The following USP53 variants were observed in gnomAD, a reference collection of about 807,000 sequenced individuals.
USP53 encodes the protein ubiquitin carboxyl-terminal hydrolase 53.
A neutral mutation model predicts 94.9 loss-of-function variants in USP53; 71 were observed. That is an observed-to-expected ratio of 0.75 (90% CI 0.62 to 0.91). USP53 has a LOEUF of 0.91. USP53 is among the 40% of genes least tolerant of loss of function. The pLI is 0.00. For synonymous variants in USP53, 375 were observed against 422.7 expected (o/e 0.89, Z 1.39); for missense variants, 1,173 against 1,281.0 (o/e 0.92, Z 1.29).
At chr4:119,246,849 A>G (rs1748314061) in intron 6 of USP53, among the ~76,000 whole-genome samples, 1 of 152,258 alleles carries the variant, frequency 6.6e-6, no homozygotes, top group Non-Finnish European at 1.5e-5. Context: ...ATGTTTTGCC[A>G]GAGAACTTAA....
chr4:119,291,143 T>TGGGCC, intron 17 of USP53, 22 bp from the exon 18 acceptor site: 1 of 747,552 alleles, frequency 1.3e-6, no homozygotes. Flanking sequence ...TCATCTCTTC[T>TGGGCC]CCCCACCCCA....
At chr4:119,216,466 CACTT>C (rs1415936936) in intron 2 of USP53, among the ~76,000 whole-genome samples, 4 of 151,946 alleles carry the variant, frequency 2.6e-5, no homozygotes, top group Non-Finnish European at 4.4e-5. Context: ...CTGTTGCTGA[CACTT>C]ACTTCAGTCA....
At position 119,248,868 on chromosome 4, in the gene USP53, G is replaced by T; in HGVS notation, c.358G>T (p.Ala120Ser). 6.2e-7 allele frequency: 1 copy of T among 1,614,054 alleles called. No individual in the cohort carries two copies. Among genetic ancestry groups the T allele is most frequent in the Non-Finnish European group, 8.5e-7 (1 of 1,180,018 alleles). Residue 120 changes from alanine to serine, a missense_variant, in exon 7 of 19, where the codon GCT (alanine) becomes TCT (serine). Transcript: ENST00000692078. ...QRFQLGLMDDAAECFENMLER... is the reference protein window; with the variant it reads ...QRFQLGLMDDSAECFENMLER... ...ATTTCAACTTGGCCTTATGGATGATGCTGCGGAGTGCTTTGTAAGTGTTTC... is the reference window on the plus strand; with the variant it reads ...ATTTCAACTTGGCCTTATGGATGATTCTGCGGAGTGCTTTGTAAGTGTTTC...
At position 119,262,168 on chromosome 4, in the gene USP53, G is replaced by A. The variant is rs535448491; in HGVS notation, c.972+304G>A. On this transcript the variant is annotated intron_variant, in intron 12 of 18. Transcript: ENST00000692078. Reference sequence around the variant, plus strand: ...TCAGTGATGATCCTTTTTGCCTGACGCATACTTGCTATATTTACTTTTTTG... The same window carrying A: ...TCAGTGATGATCCTTTTTGCCTGACACATACTTGCTATATTTACTTTTTTG... Among the ~76,000 whole-genome samples the A allele has an allele frequency of 4.6e-5, 7 of 152,142 alleles. No homozygotes were observed. In the East Asian group the frequency reaches 7.7e-4, roughly 17 times the overall value.
intron 17 of USP53, among the ~76,000 whole-genome samples, chr4:119,279,920 G>C (rs553643759): frequency 3.3e-5 from 5 of 152,166 alleles, no homozygotes; most frequent in African/African-American, 1.2e-4. Context: ...CTGACCCCTC[G>C]TGCTTCCCAG....
rs1200440387 is a variant in USP53 at position 119,274,286 on chromosome 4, C to A, written c.2251+578C>A. On this transcript the variant is annotated intron_variant, in intron 17 of 18. Coordinates refer to ENST00000692078, the MANE Select transcript of USP53 (RefSeq NM_001371395.1). ...CCGCAGTCCCCAGAGTGTGATATTC[C>A]CTTTCCTGTGTCCATGTGATCTCAT... 3.6e-5 allele frequency among the ~76,000 whole-genome samples: 5 copies of A among 140,320 alleles called. No individual in the cohort carries two copies. The Admixed American group carries it at 3.8e-4, about 11-fold the overall frequency. The allele number at this position is 140,320 out of a possible 152,430, so 92.1% of individuals were successfully genotyped here.
chr4:119,260,844 T>G (rs1189939435), intron 11 of USP53, among the ~76,000 whole-genome samples, 191 bp downstream of exon 11: 1 of 152,022 alleles, frequency 6.6e-6, no homozygotes, highest in Non-Finnish European at 1.5e-5. Flanking sequence ...CACTCTAAAA[T>G]CATGATGATT....
intron 12 of USP53, among the ~76,000 whole-genome samples, chr4:119,263,188 A>C (rs2149393463): frequency 6.6e-6 from 1 of 152,320 alleles, no homozygotes; most frequent in East Asian, 1.9e-4. Context: ...CTGCTATAGA[A>C]ATAGCCATTT....
Position 119,245,949 on chromosome 4 carries a change from T to C in USP53, c.237+520T>C, listed in dbSNP as rs555537624. ...GGAAAGCCTCACTGAGAAACTGATATTTGAAATGACACCTTGAAGAGCCTT... is the reference window on the plus strand; with the variant it reads ...GGAAAGCCTCACTGAGAAACTGATACTTGAAATGACACCTTGAAGAGCCTT... On this transcript the variant is annotated intron_variant, in intron 6 of 18. Transcript: ENST00000692078. Among the ~76,000 whole-genome samples the C allele has an allele frequency of 5.3e-5, 8 of 152,208 alleles. No individual in the cohort carries two copies. The East Asian group carries it at 1.4e-3, about 26-fold the overall frequency.
intron 12 of USP53, 148 bp from the exon 13 acceptor site, chr4:119,267,172 C>A: frequency 1.8e-6 from 1 of 543,138 alleles, no homozygotes; most frequent in Non-Finnish European, 3.0e-6. Context: ...TTACTAAATA[C>A]AGTTAATTAT....
intron 7 of USP53, among the ~76,000 whole-genome samples, chr4:119,249,658 CTATT>C (rs766501980): frequency 8.5e-6 from 1 of 117,090 alleles, no homozygotes; most frequent in Non-Finnish European, 1.7e-5. Flanking sequence ...TATTTATGTC[CTATT>C]TTTTTTTTTT....
At chr4:119,280,390 G>A (rs759661395) in intron 17 of USP53, among the ~76,000 whole-genome samples, 2 of 151,984 alleles carry the variant, frequency 1.3e-5, no homozygotes, top group African/African-American at 2.4e-5. Flanking sequence ...TTAACAGAAG[G>A]TATATTTCTA....
chr4:119,247,882 TG>T (rs1442379801), intron 6 of USP53, among the ~76,000 whole-genome samples: 4 of 152,212 alleles, frequency 2.6e-5, no homozygotes, highest in African/African-American at 9.6e-5. Context: ...AGATGACATC[TG>T]TTTTTTTATT....
rs956775127 is a variant in USP53, at chr4:119,294,708, G to T, written c.*1497G>T. 1 of 152,018 alleles carries T rather than the reference G, an allele frequency of 6.6e-6. No homozygotes were observed. Among genetic ancestry groups the T allele is most frequent in the Admixed American group, 6.6e-5 (1 of 15,250 alleles). The allele number at this position is 152,018 out of a possible 1,614,324, so 9.4% of individuals were successfully genotyped here. A position where few individuals can be genotyped will look rare whatever the true frequency, so the allele number is the denominator to read the frequency against. ...AATTTAATGTGAATACTGTTAAACA[G>T]AAAATAATTGCTTATAAAAGTCTAA... On this transcript the variant is annotated 3_prime_UTR_variant, in exon 19 of 19. Transcript: ENST00000692078.
intron 7 of USP53, among the ~76,000 whole-genome samples, chr4:119,253,748 TG>T (rs1340866663): frequency 2.0e-5 from 3 of 152,242 alleles, no homozygotes; most frequent in African/African-American, 7.2e-5. Context: ...TGTGTGAATT[TG>T]ATCCTGTCAT....
At chr4:119,235,029 C>T (rs1746543765) in intron 3 of USP53, among the ~76,000 whole-genome samples, 1 of 152,178 alleles carries the variant, frequency 6.6e-6, no homozygotes, top group Admixed American at 6.5e-5. Flanking sequence ...ATTGTTATCC[C>T]CATCTTAAAA....
In USP53 at chr4:119,234,234, A is replaced by G. The variant is rs1746434811; in HGVS notation, c.-664-1056A>G. ...GCCCAGAGCAATGTAAGGACTGGAA[A>G]AGGTCACAACTAGGTCTTTTCCATT... is the stretch of plus-strand genomic sequence containing the variant. On this transcript the variant is annotated intron_variant, in intron 3 of 18. Coordinates refer to ENST00000692078, the MANE Select transcript of USP53 (RefSeq NM_001371395.1). 2.0e-5 allele frequency among the ~76,000 whole-genome samples: 3 copies of G among 152,168 alleles called. No homozygotes were observed. The South Asian group carries it at 6.2e-4, about 31-fold the overall frequency.
chr4:119,235,059 G>A (rs1746550408), intron 3 of USP53, among the ~76,000 whole-genome samples: 2 of 152,324 alleles, frequency 1.3e-5, no homozygotes, highest in East Asian at 1.9e-4. Context: ...CCATGAATCA[G>A]AGATGACAAG....
In USP53 at chr4:119,288,807, G is replaced by A. The variant is rs573526536; in HGVS notation, c.2252-2358G>A. Among the ~76,000 whole-genome samples, 19 of 151,990 alleles carry A rather than the reference G, an allele frequency of 1.3e-4. No individual in the cohort carries two copies. The South Asian group carries it at 2.1e-3, about 17-fold the overall frequency. ...TAAAAAATTAGCCAGGCGTGGTGGC[G>A]CATGCCTGAAATCCCAGCTACTCAG... On this transcript the variant is annotated intron_variant, in intron 17 of 18. Transcript: ENST00000692078.
Sources: gnomAD v4.1 joint callset for allele counts (sites outside exome capture counted in the v4.1 genomes callset) on GRCh38, gnomAD v4.1.1 for gene constraint, MANE v1.5 for transcripts, NCBI Gene and HGNC (gene_info 2026-07-23, HGNC 2026-07-21) for gene names.